The following CNTLN variants were observed in gnomAD, a reference collection of about 807,000 sequenced individuals.
The protein encoded by CNTLN is centlein.
CNTLN carries 212 observed loss-of-function variants against 180.0 expected under a neutral mutation model. That is an observed-to-expected ratio of 1.18 (90% confidence interval 1.05 to 1.32). The LOEUF is 1.32. Ranked by LOEUF, CNTLN falls within the 40% of genes most tolerant of loss-of-function variation. CNTLN has a pLI of 0.00. For synonymous variants in CNTLN, 722 were observed against 563.1 expected (o/e 1.28, Z -3.99); for missense variants, 2,095 against 1,610.9 (o/e 1.30, Z -5.14).
chr9:17,200,588 C>A (rs1427199155), intron 2 of CNTLN, among the ~76,000 whole-genome samples: 2 of 151,988 alleles, frequency 1.3e-5, no homozygotes, highest in Admixed American at 1.3e-4. Context: ...ATTTTATTTT[C>A]TTTGTAGCAA....
At chr9:17,139,505 C>G (rs1057255834) in intron 1 of CNTLN, among the ~76,000 whole-genome samples, 1 of 151,824 alleles carries the variant, frequency 6.6e-6, no homozygotes, top group Admixed American at 6.6e-5. Context: ...TACTAAAATA[C>G]AAAAATTAGC....
At chr9:17,159,828 G>A (rs908714075) in intron 2 of CNTLN, among the ~76,000 whole-genome samples, 1 of 152,174 alleles carries the variant, frequency 6.6e-6, no homozygotes, top group Non-Finnish European at 1.5e-5. Flanking sequence ...TTCTTGGATA[G>A]ATGTTTCTTC....
chr9:17,294,224 A>G (rs1817623594), intron 6 of CNTLN, among the ~76,000 whole-genome samples: 2 of 152,028 alleles, frequency 1.3e-5, no homozygotes. Flanking sequence ...AAGCTTCCAC[A>G]GTGTGGAAGG....
At chr9:17,334,420 T>TACAC (rs56376464) in intron 10 of CNTLN, among the ~76,000 whole-genome samples, 2,070 of 149,814 alleles carry the variant, frequency 0.014, 28 homozygotes, top group African/African-American at 0.035. Flanking sequence ...GCCAATAGAA[T>TACAC]ACACACACAC....
rs781167366 is a variant in CNTLN, at chr9:17,315,233, T to G, written c.1341+5981T>G. On this transcript the variant is annotated intron_variant, in intron 8 of 25. Coordinates refer to ENST00000380647, the MANE Select transcript of CNTLN (RefSeq NM_017738.4). ...ATAATGTCTTTCTTTTGCCTTTATTTCTGAACAGTATTTTTTAGATGGATA... is the reference window on the plus strand; with the variant it reads ...ATAATGTCTTTCTTTTGCCTTTATTGCTGAACAGTATTTTTTAGATGGATA... Among the ~76,000 whole-genome samples, 134 of 152,282 alleles carry G rather than the reference T, an allele frequency of 8.8e-4. 1 individual carries two copies. Among genetic ancestry groups the G allele is most frequent in the Admixed American group, 1.2e-3 (19 of 15,298 alleles).
chr9:17,450,616 T>A lies in CNTLN; in HGVS notation c.3115-6908T>A, dbSNP rs187881253. ...CAATTAGCCAAAAGGTACTTAATGG[T>A]CTCTAAAGGCTACTGAAGTCTAACT... On this transcript the variant is annotated intron_variant, in intron 18 of 25. Transcript: ENST00000380647. Among the ~76,000 whole-genome samples the A allele has an allele frequency of 1.4e-4, 22 of 152,302 alleles. No individual in the cohort carries two copies. In the East Asian group the frequency reaches 3.9e-3, roughly 27 times the overall value.
the CNTLN span, among the ~76,000 whole-genome samples, chr9:17,516,849 C>G: frequency 4.8e-4 from 73 of 152,270 alleles, no homozygotes; most frequent in African/African-American, 1.6e-3. Context: ...GATTTTGTCT[C>G]TTTGTTTTGT....
intron 1 of CNTLN, among the ~76,000 whole-genome samples, chr9:17,140,335 T>A (rs1037332178): frequency 2.0e-5 from 3 of 152,212 alleles, no homozygotes; most frequent in Non-Finnish European, 2.9e-5. Context: ...CTGTACAGCA[T>A]GGTGTTATAG....
At chr9:17,428,800 C>T (rs917136878) in intron 18 of CNTLN, among the ~76,000 whole-genome samples, 1 of 151,766 alleles carries the variant, frequency 6.6e-6, no homozygotes, top group African/African-American at 2.4e-5. Flanking sequence ...TTCTCAAGGT[C>T]ACAATAATAC....
intron 12 of CNTLN, among the ~76,000 whole-genome samples, chr9:17,352,623 G>A (rs1319265231): frequency 6.6e-6 from 1 of 152,058 alleles, no homozygotes; most frequent in Non-Finnish European, 1.5e-5. Flanking sequence ...CATTCACAGT[G>A]TTGTTTAGCA....
At position 17,291,252 on chromosome 9, in the gene CNTLN, C is replaced by G. The variant is rs185894609; in HGVS notation, c.984-6938C>G. 3.9e-4 allele frequency among the ~76,000 whole-genome samples: 60 copies of G among 152,166 alleles called. No individual in the cohort carries two copies. In the East Asian group the frequency reaches 5.4e-3, roughly 14 times the overall value. ...CTGATTTTAGAGTAAGTGCTATGTG[C>G]TATGTGTCGCCAAGAAGAATATATA... On this transcript the variant is annotated intron_variant, in intron 6 of 25. Transcript: ENST00000380647.
chr9:17,491,765 T>A (rs1833173476), intron 25 of CNTLN, among the ~76,000 whole-genome samples: 1 of 152,138 alleles, frequency 6.6e-6, no homozygotes, highest in Admixed American at 6.6e-5. Flanking sequence ...TTGCTTCAGA[T>A]CTTGCAAATG....
intron 16 of CNTLN, among the ~76,000 whole-genome samples, chr9:17,414,092 T>C (rs1828052734): frequency 6.6e-6 from 1 of 152,138 alleles, no homozygotes; most frequent in African/African-American, 2.4e-5. Flanking sequence ...TTTCTCATCT[T>C]GGATTGTGAA....
chr9:17,242,393 T>C (rs944937537), intron 5 of CNTLN, among the ~76,000 whole-genome samples: 4 of 150,898 alleles, frequency 2.7e-5, no homozygotes, highest in Non-Finnish European at 4.4e-5. Context: ...CACTGCAACC[T>C]CCACCTCCTG....
At chr9:17,298,402 T>C (rs925891933) in intron 7 of CNTLN, 50 bp downstream of exon 7, 2 of 1,442,758 alleles carry the variant, frequency 1.4e-6, no homozygotes, top group Non-Finnish European at 1.8e-6. Flanking sequence ...TATGAACTTA[T>C]GAACATATAT....
intron 2 of CNTLN, among the ~76,000 whole-genome samples, chr9:17,194,849 G>T (rs1822023102): frequency 6.6e-6 from 1 of 152,180 alleles, no homozygotes; most frequent in African/African-American, 2.4e-5. Context: ...TTACATGGCT[G>T]GGGAGGCCTC....
chr9:17,298,207 T>C lies in CNTLN; in HGVS notation c.1001T>C (p.Leu334Pro). 6.5e-7 allele frequency: 1 copy of C among 1,531,196 alleles called. No individual in the cohort carries two copies. Among genetic ancestry groups the C allele is most frequent in the Non-Finnish European group, 8.8e-7 (1 of 1,141,142 alleles). 94.9% of individuals were successfully genotyped at this position (1,531,196 alleles called of 1,614,324 possible). A position where few individuals can be genotyped will look rare whatever the true frequency, so the allele number is the denominator to read the frequency against. ...ITLVRKELQE[L>P]QNLYKQNSTH... ...TTGCACAGGAAGGAACTGCAGGAGC[T>C]GCAGAATCTTTACAAACAGAACAGT... The change falls in exon 7 of 26, where the codon CTG becomes CCG. Residue 334 changes from leucine to proline, a missense_variant. Transcript: ENST00000380647.
At chr9:17,415,609 G>C (rs1192693680) in intron 16 of CNTLN, among the ~76,000 whole-genome samples, 179 bp from the exon 17 acceptor site, 1 of 151,732 alleles carries the variant, frequency 6.6e-6, no homozygotes, top group Non-Finnish European at 1.5e-5. Flanking sequence ...TTGCTCTGTT[G>C]CCCAGGCTGG....
the CNTLN span, among the ~76,000 whole-genome samples, chr9:17,516,226 T>A: frequency 6.6e-6 from 1 of 152,320 alleles, no homozygotes; most frequent in East Asian, 1.9e-4. Context: ...TACCCTGCCT[T>A]ATCTTTCTTC....
Sources: gnomAD v4.1 joint callset for allele counts (sites outside exome capture counted in the v4.1 genomes callset) on GRCh38, gnomAD v4.1.1 for gene constraint, MANE v1.5 for transcripts, NCBI Gene and HGNC (gene_info 2026-07-23, HGNC 2026-07-21) for gene names.